The following CAP2 variants were observed in gnomAD, a reference collection of about 807,000 sequenced individuals.
The protein encoded by CAP2 is adenylyl cyclase-associated protein 2.
A neutral mutation model predicts 57.7 loss-of-function variants in CAP2; 24 were observed. The ratio of observed to expected loss-of-function variants is 0.42; its 90% CI spans 0.30 to 0.58. The LOEUF (loss-of-function observed/expected upper bound fraction) is 0.58. CAP2 is among the 20% of genes least tolerant of loss of function. CAP2 has a pLI of 0.22. For missense variants in CAP2, 501 were observed against 590.3 expected (o/e 0.85, Z 1.57); for synonymous variants, 194 against 207.2 (o/e 0.94, Z 0.55).
intron 4 of CAP2, among the ~76,000 whole-genome samples, chr6:17,469,406 CTGTGTGTGTCTGTGTGTG>C (rs1410422746): frequency 3.3e-5 from 5 of 151,052 alleles, no homozygotes; most frequent in East Asian, 2.0e-4. Flanking sequence ...GTGTGTGTGT[CTGTGTGTGTCTGTGTGTG>C]TGTGTGTGTC....
At chr6:17,527,656 G>A (rs1030758580) in intron 7 of CAP2, among the ~76,000 whole-genome samples, 4 of 146,546 alleles carry the variant, frequency 2.7e-5, no homozygotes, top group African/African-American at 1.0e-4. Flanking sequence ...GAGTGCAGTG[G>A]CACGATCTCG....
At chr6:17,499,056 C>T (rs1026632425) in intron 4 of CAP2, among the ~76,000 whole-genome samples, 2 of 150,504 alleles carry the variant, frequency 1.3e-5, no homozygotes, top group African/African-American at 4.9e-5. Flanking sequence ...AAAACTATTA[C>T]TGAAAAAAAA....
intron 3 of CAP2, among the ~76,000 whole-genome samples, chr6:17,453,294 T>C (rs1487657258): frequency 6.6e-6 from 1 of 152,196 alleles, no homozygotes; most frequent in East Asian, 1.9e-4. Flanking sequence ...GTAGAACTTC[T>C]CTATTGAGGT....
chr6:17,486,281 C>T (rs78666840), intron 4 of CAP2, among the ~76,000 whole-genome samples: 2,251 of 152,270 alleles, frequency 0.015, 59 homozygotes, highest in African/African-American at 0.05. Context: ...TAAGCTCAAG[C>T]AAATTTTCTC....
intron 7 of CAP2, among the ~76,000 whole-genome samples, chr6:17,530,273 A>T (rs1314196605): frequency 6.6e-6 from 1 of 151,988 alleles, no homozygotes; most frequent in Non-Finnish European, 1.5e-5. Flanking sequence ...TAGAGACAGG[A>T]TCTCACTATG....
chr6:17,478,407 A>G (rs1399175601), intron 4 of CAP2, among the ~76,000 whole-genome samples: 6 of 151,582 alleles, frequency 4.0e-5, no homozygotes. Context: ...CAGCCTCTCA[A>G]AGTGCTGAGA....
intron 6 of CAP2, among the ~76,000 whole-genome samples, chr6:17,512,489 TATAAAC>T (rs956578147): frequency 1.3e-5 from 2 of 152,326 alleles, no homozygotes; most frequent in African/African-American, 4.8e-5. Flanking sequence ...TACATACACA[TATAAAC>T]ATAGACATAT....
At chr6:17,410,281 G>A (rs1759103800) in intron 1 of CAP2, among the ~76,000 whole-genome samples, 1 of 152,136 alleles carries the variant, frequency 6.6e-6, no homozygotes, top group African/African-American at 2.4e-5. Context: ...CTTGTACTCT[G>A]AAGAGTGCTT....
At chr6:17,439,517 G>A (rs543135033) in intron 3 of CAP2, among the ~76,000 whole-genome samples, 9 of 151,414 alleles carry the variant, frequency 5.9e-5, no homozygotes, top group East Asian at 1.9e-4. Context: ...TCTGTGGACC[G>A]GGGAGAGGGA....
intron 4 of CAP2, among the ~76,000 whole-genome samples, chr6:17,467,625 G>T (rs2113604244): frequency 6.6e-6 from 1 of 152,228 alleles, no homozygotes; most frequent in South Asian, 2.1e-4. Context: ...CTAGCTTCAA[G>T]CAATTCTCCT....
chr6:17,475,285 T>C (rs1466898377), intron 4 of CAP2, among the ~76,000 whole-genome samples: 1 of 151,918 alleles, frequency 6.6e-6, no homozygotes. Flanking sequence ...TGTCGTTTGG[T>C]GATGCTGTTA....
rs184893049 is a variant in CAP2, at chr6:17,547,612, T to C, written c.1210-3852T>C. Among the ~76,000 whole-genome samples the C allele has an allele frequency of 7.8e-4, 119 of 151,978 alleles. 3 individuals carry two copies. The East Asian group carries it at 0.011, about 15-fold the overall frequency. On this transcript the variant is annotated intron_variant, in intron 11 of 12. Coordinates refer to ENST00000229922, the MANE Select transcript of CAP2 (RefSeq NM_006366.3). ...ATCCCAGCATTTTGGGAGGCCAAGG[T>C]GGGCAAATCACGAGGTCCGGAGATT... is the stretch of plus-strand genomic sequence containing the variant.
chr6:17,531,071 C>G (rs1762627336), intron 7 of CAP2: 2 of 772,614 alleles, frequency 2.6e-6, no homozygotes, highest in Admixed American at 3.4e-5. Context: ...TCTCATGAAT[C>G]AGATCCTCCC....
chr6:17,522,548 C>T (rs1762416807), intron 7 of CAP2, among the ~76,000 whole-genome samples: 2 of 152,118 alleles, frequency 1.3e-5, no homozygotes, highest in Non-Finnish European at 1.5e-5. Flanking sequence ...TGGATCTTGA[C>T]GGTGAGCAGG....
At chr6:17,401,890 C>G (rs1257520812) in intron 1 of CAP2, among the ~76,000 whole-genome samples, 4 of 152,136 alleles carry the variant, frequency 2.6e-5, no homozygotes, top group Admixed American at 6.5e-5. Flanking sequence ...CTCAATGCCT[C>G]TTTCTGAATG....
intron 1 of CAP2, among the ~76,000 whole-genome samples, chr6:17,412,356 T>C (rs1315527730): frequency 6.6e-6 from 1 of 152,206 alleles, no homozygotes; most frequent in African/African-American, 2.4e-5. Context: ...TGCAGACAAT[T>C]TTCTTAAGCC....
intron 4 of CAP2, among the ~76,000 whole-genome samples, chr6:17,500,850 C>T (rs1392590482): frequency 6.6e-6 from 1 of 152,166 alleles, no homozygotes; most frequent in Non-Finnish European, 1.5e-5. Context: ...GCTGTGCACT[C>T]ACACACATAC....
Position 17,532,740 on chromosome 6 carries a change from T to TCA in CAP2, c.637-6529_637-6528insCA, listed in dbSNP as rs113165026. Among the ~76,000 whole-genome samples, 645 of 124,228 alleles carry TCA rather than the reference T, an allele frequency of 5.2e-3. 2 individuals carry two copies. The highest frequency in any genetic ancestry group is 0.016 in the African/African-American group (535 of 34,138). The allele number at this position is 124,228 out of a possible 152,430, so 81.5% of individuals were successfully genotyped here. ...TCCAGCCTGGGCGACTGAGCGATAC[T>TCA]AAAAAAAAAAACACACACACACAAA... is the stretch of plus-strand genomic sequence containing the variant. On this transcript the variant is annotated intron_variant, in intron 7 of 12. Transcript: ENST00000229922.
At chr6:17,491,189 A>G (rs532053779) in intron 4 of CAP2, among the ~76,000 whole-genome samples, 43 of 151,994 alleles carry the variant, frequency 2.8e-4, no homozygotes, top group African/African-American at 9.4e-4. Context: ...CGAGATTGTC[A>G]GGGTGCCCCA....
Sources: gnomAD v4.1 joint callset for allele counts (sites outside exome capture counted in the v4.1 genomes callset) on GRCh38, gnomAD v4.1.1 for gene constraint, MANE v1.5 for transcripts, NCBI Gene and HGNC (gene_info 2026-07-23, HGNC 2026-07-21) for gene names.